THSD7B: variants seen among roughly 807,000 people sequenced by gnomAD.
THSD7B encodes thrombospondin type 1 domain containing 7B, also known as thrombospondin type-1 domain-containing protein 7B.
THSD7B carries 138 observed loss-of-function variants against 213.6 expected under a neutral mutation model. That is an observed-to-expected ratio of 0.65 (90% CI 0.56 to 0.74). The LOEUF is 0.74. Ranked by LOEUF, THSD7B falls within the 30% of genes least tolerant of loss-of-function variation. THSD7B has a pLI of 0.00. For synonymous variants in THSD7B, 742 were observed against 687.0 expected (o/e 1.08, Z -1.25); for missense variants, 1,931 against 1,991.5 (o/e 0.97, Z 0.58).
Position 137,262,851 on chromosome 2 carries a change from T to C in THSD7B, c.2267-9682T>C, listed in dbSNP as rs139125893. 3.3e-5 allele frequency among the ~76,000 whole-genome samples: 5 copies of C among 152,292 alleles called. No individual in the cohort carries two copies. The East Asian group carries it at 9.6e-4, about 29-fold the overall frequency. ...TTGTCCTTTAATTGGTTTGGGTTTC[T>C]GAGAGTAGGGTGGGGCACTAGGAAT... is the stretch of plus-strand genomic sequence containing the variant. On this transcript the variant is annotated intron_variant, in intron 10 of 27. Transcript: ENST00000409968.
intron 2 of THSD7B, among the ~76,000 whole-genome samples, chr2:136,918,033 A>G (rs1326972199): frequency 1.4e-4 from 21 of 152,182 alleles, no homozygotes; most frequent in Admixed American, 1.3e-3. Flanking sequence ...GACTCTGAAA[A>G]GTTTGTTATA....
At chr2:137,377,128 G>A (rs566586530) in intron 12 of THSD7B, among the ~76,000 whole-genome samples, 4 of 152,104 alleles carry the variant, frequency 2.6e-5, no homozygotes, top group Non-Finnish European at 5.9e-5. Flanking sequence ...TTTTCCGTAT[G>A]TGGTGGAAAT....
chr2:137,662,323 T>C (rs1683366406), intron 25 of THSD7B, among the ~76,000 whole-genome samples: 3 of 148,982 alleles, frequency 2.0e-5, no homozygotes, highest in Non-Finnish European at 3.0e-5. Flanking sequence ...GACCTTGTGA[T>C]CCACCCGCCT....
At chr2:136,831,297 G>C (rs1682751797) in intron 1 of THSD7B, among the ~76,000 whole-genome samples, 1 of 151,898 alleles carries the variant, frequency 6.6e-6, no homozygotes, top group South Asian at 2.1e-4. Flanking sequence ...CTTAATATTT[G>C]TATAATATTC....
In THSD7B at chr2:136,825,718, A is replaced by ATTTTTTTTTTTTTTTTTTTTTT. The variant is rs55814718; in HGVS notation, c.-35-56410_-35-56409insTTTTTTTTTTTTTTTTTTTTTT. 7.4e-4 allele frequency among the ~76,000 whole-genome samples: 86 copies of ATTTTTTTTTTTTTTTTTTTTTT among 116,864 alleles called. 5 individuals are homozygous for ATTTTTTTTTTTTTTTTTTTTTT. Among genetic ancestry groups the ATTTTTTTTTTTTTTTTTTTTTT allele is most frequent in the East Asian group, 3.3e-3 (9 of 2,730 alleles). 76.7% of individuals were successfully genotyped at this position (116,864 alleles called of 152,430 possible). The stretch of plus-strand genomic sequence containing the variant: ...AGGTGCTCACTGCCATGCCTGGCTA[A>ATTTTTTTTTTTTTTTTTTTTTT]TTTTTTTTTTTTTTTTAGATCTGGG... On this transcript the variant is annotated intron_variant, in intron 1 of 27. Coordinates refer to ENST00000409968, the MANE Select transcript of THSD7B (RefSeq NM_001316349.2).
At chr2:137,230,787 C>T (rs1292545696) in intron 7 of THSD7B, among the ~76,000 whole-genome samples, 1 of 152,180 alleles carries the variant, frequency 6.6e-6, no homozygotes, top group Non-Finnish European at 1.5e-5. Flanking sequence ...CCAGGTCCAT[C>T]TTTAGCCATC....
intron 10 of THSD7B, among the ~76,000 whole-genome samples, chr2:137,271,091 G>C (rs1465644653): frequency 6.6e-6 from 1 of 151,354 alleles, no homozygotes; most frequent in Non-Finnish European, 1.5e-5. Context: ...CATTGTGCTG[G>C]CTTTCTATAA....
rs1684748673 is a variant in THSD7B, at chr2:136,937,138, G to A, written c.139+54821G>A. ...CATTCTCCTGCACCCCCAGCCACAG[G>A]CAGCCCACAAATCGACTTTCGATAT... is the stretch of plus-strand genomic sequence containing the variant. On this transcript the variant is annotated intron_variant, in intron 2 of 27. Coordinates refer to ENST00000409968, the MANE Select transcript of THSD7B (RefSeq NM_001316349.2). Among the ~76,000 whole-genome samples the A allele has an allele frequency of 3.3e-5, 5 of 152,060 alleles. No individual in the cohort carries two copies. The South Asian group carries it at 8.3e-4, about 25-fold the overall frequency.
At chr2:137,555,468 C>T (rs1049179786) in intron 15 of THSD7B, among the ~76,000 whole-genome samples, 1 of 152,206 alleles carries the variant, frequency 6.6e-6, no homozygotes, top group Admixed American at 6.5e-5. Flanking sequence ...TCCAACAGAC[C>T]TGCAGCTGAG....
chr2:137,279,338 C>T (rs1029911188), intron 12 of THSD7B, among the ~76,000 whole-genome samples: 1 of 152,024 alleles, frequency 6.6e-6, no homozygotes, highest in Middle Eastern at 3.4e-3. Flanking sequence ...GAGTTGGAGA[C>T]CAGCCTGGAC....
chr2:137,476,106 C>T (rs903208750), intron 15 of THSD7B, among the ~76,000 whole-genome samples: 2 of 152,052 alleles, frequency 1.3e-5, no homozygotes, highest in South Asian at 4.1e-4. Context: ...TATATGACTT[C>T]TTTTAATACA....
chr2:136,860,595 T>C (rs931169778), intron 1 of THSD7B, among the ~76,000 whole-genome samples: 1 of 152,230 alleles, frequency 6.6e-6, no homozygotes, highest in African/African-American at 2.4e-5. Flanking sequence ...TCTTCTTTCT[T>C]ACTGACATCT....
At chr2:137,114,433 T>C (rs561746802) in intron 4 of THSD7B, among the ~76,000 whole-genome samples, 1 of 152,346 alleles carries the variant, frequency 6.6e-6, no homozygotes, top group South Asian at 2.1e-4. Flanking sequence ...TTCCCCCTTA[T>C]TTGTGGGGAT....
chr2:137,152,289 T>A (rs573357913), intron 5 of THSD7B, among the ~76,000 whole-genome samples: 4 of 152,202 alleles, frequency 2.6e-5, no homozygotes, highest in Admixed American at 6.5e-5. Context: ...TTTAAACCTA[T>A]TTTTTTCTAT....
At chr2:137,130,560 G>A (rs1423135556) in intron 5 of THSD7B, among the ~76,000 whole-genome samples, 1 of 128,928 alleles carries the variant, frequency 7.8e-6, no homozygotes, top group Non-Finnish European at 1.5e-5. Flanking sequence ...CCCAGAGTGT[G>A]ATGTTCCCCT....
chr2:137,051,988 T>G (rs962680086), intron 2 of THSD7B, among the ~76,000 whole-genome samples: 5 of 152,168 alleles, frequency 3.3e-5, no homozygotes, highest in African/African-American at 1.2e-4. Flanking sequence ...AGGATAAAAT[T>G]TGCCTGTGCT....
At chr2:136,856,388 A>C (rs1309072029) in intron 1 of THSD7B, among the ~76,000 whole-genome samples, 1 of 152,176 alleles carries the variant, frequency 6.6e-6, no homozygotes, top group Admixed American at 6.5e-5. Flanking sequence ...TTAGTATTGC[A>C]TTCAGTGTCA....
chr2:137,185,701 C>G (rs573934063), intron 7 of THSD7B, among the ~76,000 whole-genome samples: 1 of 152,170 alleles, frequency 6.6e-6, no homozygotes, highest in East Asian at 1.9e-4. Context: ...TGCAGTGAAC[C>G]TATGAGTTCA....
chr2:137,413,196 A>G (rs1469569817), intron 14 of THSD7B, among the ~76,000 whole-genome samples: 3 of 152,080 alleles, frequency 2.0e-5, no homozygotes, highest in Non-Finnish European at 4.4e-5. Context: ...TTTTTAAGTG[A>G]TTTGACTTTC....
Sources: gnomAD v4.1 joint callset for allele counts (sites outside exome capture counted in the v4.1 genomes callset) on GRCh38, gnomAD v4.1.1 for gene constraint, MANE v1.5 for transcripts, NCBI Gene and HGNC (gene_info 2026-07-23, HGNC 2026-07-21) for gene names.